COTL1: variants seen among roughly 807,000 people sequenced by gnomAD.
COTL1 encodes coactosin like F-actin binding protein 1, also known as coactosin-like protein.
Under a neutral mutation model 16.5 loss-of-function variants are expected in COTL1, and 15 were observed. The observed-to-expected ratio is 0.91, with a 90% CI of 0.61 to 1.40. COTL1 has a LOEUF of 1.40. Among genes scored for constraint, COTL1 ranks in the 40% most tolerant of loss-of-function variants. The probability of loss-of-function intolerance (pLI) is 0.00; values close to 1 mark genes in which losing one functional copy is unlikely to be tolerated. For missense variants in COTL1, 220 were observed against 201.5 expected, an observed-to-expected ratio of 1.09 and a Z score of -0.56; for synonymous variants, 112 against 85.3, an observed-to-expected ratio of 1.31 and a Z score of -1.73.
intron 2 of COTL1, among the ~76,000 whole-genome samples, chr16:84,600,423 C>G: frequency 6.6e-6 from 1 of 151,676 alleles, no homozygotes; most frequent in Non-Finnish European, 1.5e-5. Context: ...AGCGATTCTC[C>G]TGCCTCAGCC....
chr16:84,595,131 T>C (rs544201488), intron 2 of COTL1: 4 of 152,264 alleles, frequency 2.6e-5, no homozygotes, highest in South Asian at 2.1e-4. Context: ...GTACAATAAG[T>C]AAGTTACACC....
intron 2 of COTL1, among the ~76,000 whole-genome samples, chr16:84,605,725 C>A (rs773445277): frequency 1.3e-5 from 2 of 152,234 alleles, no homozygotes; most frequent in African/African-American, 4.8e-5. Context: ...TCCCCTGGAG[C>A]CTCCAGGAGA....
rs28414050 is a variant in COTL1 at position 84,604,733 on chromosome 16, G to A, written c.160+12768C>T. 4.2e-3 allele frequency among the ~76,000 whole-genome samples: 641 copies of A among 152,300 alleles called. 2 individuals carry two copies. Among genetic ancestry groups the A allele is most frequent in the Non-Finnish European group, 5.0e-3 (338 of 68,034 alleles). Reference sequence around the variant, plus strand: ...GCCCAGAGGGGGCTGTGGCTGTAGGGGTCACACAGGGGCCGCCAGGAGCCT... The same window carrying A: ...GCCCAGAGGGGGCTGTGGCTGTAGGAGTCACACAGGGGCCGCCAGGAGCCT... On this transcript the variant is annotated intron_variant, in intron 2 of 3. Transcript: ENST00000262428.
At chr16:84,568,067 G>A (rs1904306371) in intron 3 of COTL1, 1 of 152,118 alleles carries the variant, frequency 6.6e-6, no homozygotes, top group Non-Finnish European at 1.5e-5. Flanking sequence ...GCGCAATCTT[G>A]GCTCACAGCA....
chr16:84,599,287 C>G (rs768163921), intron 2 of COTL1, among the ~76,000 whole-genome samples: 1 of 152,208 alleles, frequency 6.6e-6, no homozygotes, highest in Non-Finnish European at 1.5e-5. Context: ...ACCAAACCCC[C>G]GAGGAAGGAG....
intron 3 of COTL1, among the ~76,000 whole-genome samples, chr16:84,581,167 A>ATATG (rs1320584066): frequency 6.7e-6 from 1 of 148,712 alleles, no homozygotes; most frequent in African/African-American, 2.5e-5. Context: ...ACAAATAAAT[A>ATATG]TATGTATGTA....
intron 2 of COTL1, among the ~76,000 whole-genome samples, chr16:84,617,092 G>A (rs1905505944): frequency 6.6e-6 from 1 of 152,136 alleles, no homozygotes; most frequent in African/African-American, 2.4e-5. Context: ...AGAAAGGAGG[G>A]CGCGGCTGAG....
chr16:84,603,724 G>A (rs987984747), intron 2 of COTL1, among the ~76,000 whole-genome samples: 5 of 152,088 alleles, frequency 3.3e-5, no homozygotes, highest in African/African-American at 4.8e-5. Context: ...GAAAAGGGCT[G>A]CTCAGGGCCT....
chr16:84,607,907 T>C (rs1263487213), intron 2 of COTL1, among the ~76,000 whole-genome samples: 1 of 152,018 alleles, frequency 6.6e-6, no homozygotes, highest in Non-Finnish European at 1.5e-5. Flanking sequence ...CCTAGACTTA[T>C]CGGGCAGGAA....
chr16:84,576,231 C>T (rs185623761), intron 3 of COTL1: 1 of 152,222 alleles, frequency 6.6e-6, no homozygotes, highest in African/African-American at 2.4e-5. Flanking sequence ...AGTGTAAGGT[C>T]TGCTATTCAG....
At chr16:84,584,734 C>T (rs111455910) in intron 3 of COTL1, among the ~76,000 whole-genome samples, 5 of 152,208 alleles carry the variant, frequency 3.3e-5, no homozygotes, top group African/African-American at 1.2e-4. Context: ...CTGGAAATAA[C>T]AGCTACTACT....
Position 84,586,958 on chromosome 16 carries a change from G to A in COTL1, c.318+3147C>T, listed in dbSNP as rs1236216368. On this transcript the variant is annotated intron_variant, in intron 3 of 3. Transcript: ENST00000262428. ...TGCAAGATCTGCAATGTGGTGCCCC[G>A]TGTACACATCCTGGCGAGCCCCCTC... Among the ~76,000 whole-genome samples, 6 of 152,302 alleles carry A rather than the reference G, an allele frequency of 3.9e-5. No homozygotes were observed. In the East Asian group the frequency reaches 9.6e-4, roughly 24 times the overall value.
chr16:84,578,197 C>G (rs779831620), intron 3 of COTL1, among the ~76,000 whole-genome samples: 2 of 152,172 alleles, frequency 1.3e-5, no homozygotes, highest in African/African-American at 4.8e-5. Context: ...AGGTTCAGAT[C>G]TTCAACTTCT....
At chr16:84,577,425 A>T (rs952860861) in intron 3 of COTL1, among the ~76,000 whole-genome samples, 43 of 152,194 alleles carry the variant, frequency 2.8e-4, no homozygotes, top group African/African-American at 1.0e-3. Context: ...TTGTATTTTT[A>T]GTAGAGACAG....
chr16:84,598,129 T>G (rs1905043391), intron 2 of COTL1, among the ~76,000 whole-genome samples: 1 of 152,162 alleles, frequency 6.6e-6, no homozygotes, highest in Non-Finnish European at 1.5e-5. Context: ...CCAGGCCAAT[T>G]GCACGCTGGA....
intron 2 of COTL1, chr16:84,595,348 C>G (rs1904975541): frequency 1.3e-5 from 2 of 152,218 alleles, no homozygotes; most frequent in African/African-American, 4.8e-5. Context: ...TGCTAGAGAT[C>G]TGGCACGACA....
rs578133806 is a variant in COTL1, at chr16:84,581,421, A to G, written c.318+8684T>C. On this transcript the variant is annotated intron_variant, in intron 3 of 3. Coordinates refer to ENST00000262428, the MANE Select transcript of COTL1 (RefSeq NM_021149.5). ...TAACTCATGCTTTGCAAGGGGGAGC[A>G]GCAGCCTCGTAAATCTCATCCCATG... 2.3e-3 allele frequency among the ~76,000 whole-genome samples: 357 copies of G among 152,344 alleles called. 4 individuals are homozygous for G. The highest frequency in any genetic ancestry group is 8.3e-3 in the African/African-American group (343 of 41,570).
intron 3 of COTL1, among the ~76,000 whole-genome samples, chr16:84,571,309 C>T (rs1028224055): frequency 6.6e-6 from 1 of 152,190 alleles, no homozygotes; most frequent in African/African-American, 2.4e-5. Flanking sequence ...GGACGGAGGA[C>T]ACTGGAGGTC....
chr16:84,597,919 A>C (rs932625238), intron 2 of COTL1, among the ~76,000 whole-genome samples: 6 of 152,148 alleles, frequency 3.9e-5, no homozygotes, highest in African/African-American at 1.4e-4. Flanking sequence ...ACTGACTATC[A>C]GCCCTGGGTA....
Sources: allele counts gnomAD v4.1 joint callset (sites outside exome capture counted in the v4.1 genomes callset), GRCh38; gene constraint gnomAD v4.1.1; transcripts MANE v1.5; gene names NCBI Gene and HGNC (gene_info 2026-07-23, HGNC 2026-07-21).